XXYLT1: variants seen among roughly 807,000 people sequenced by gnomAD.
The protein encoded by XXYLT1 is UDP-xylose:alpha-xyloside alpha-1,3-xylosyltransferase.
In XXYLT1, 20 loss-of-function variants were observed where a neutral mutation model predicts 28.9. The ratio of observed to expected loss-of-function variants is 0.69; its 90% confidence interval spans 0.49 to 1.00. The LOEUF (loss-of-function observed/expected upper bound fraction) is 1.00, where lower values mean the gene tolerates loss of function less well. Ranked by LOEUF, XXYLT1 falls within the 50% of genes least tolerant of loss-of-function variation. XXYLT1 has a pLI of 0.00. For missense variants in XXYLT1, 542 were observed against 560.1 expected (o/e 0.97, Z 0.33); for synonymous variants, 257 against 253.8 (o/e 1.01, Z -0.12).
chr3:195,185,538 G>C (rs1228546761), intron 2 of XXYLT1, among the ~76,000 whole-genome samples: 1 of 148,280 alleles, frequency 6.7e-6, no homozygotes, highest in Non-Finnish European at 1.5e-5. Flanking sequence ...TGATTTCTGA[G>C]GTCACTGAAG....
At chr3:195,245,159 AT>A (rs533706205) in intron 1 of XXYLT1, among the ~76,000 whole-genome samples, 6,567 of 132,324 alleles carry the variant, frequency 0.05, 145 homozygotes, top group East Asian at 0.098. Flanking sequence ...GCCCAAGAAA[AT>A]TTTTTTTTTT....
At chr3:195,178,691 C>G (rs1287203561) in intron 2 of XXYLT1, among the ~76,000 whole-genome samples, 1 of 152,164 alleles carries the variant, frequency 6.6e-6, no homozygotes, top group African/African-American at 2.4e-5. Flanking sequence ...CACACCTGGG[C>G]CCCGTACTTG....
At chr3:195,110,851 T>TGTGTGTGTGG (rs1284404952) in intron 3 of XXYLT1, among the ~76,000 whole-genome samples, 1 of 37,426 alleles carries the variant, frequency 2.7e-5, no homozygotes, top group Non-Finnish European at 6.0e-5. Flanking sequence ...GTTGTGTGTG[T>TGTGTGTGTGG]TGTATAAGTG....
chr3:195,074,011 C>T (rs1172780957), intron 3 of XXYLT1, among the ~76,000 whole-genome samples: 3 of 152,192 alleles, frequency 2.0e-5, no homozygotes, highest in South Asian at 2.1e-4. Context: ...AAAGGGCACA[C>T]GTGGCCATCA....
rs1218267602 is a variant in XXYLT1, at chr3:195,109,984, T to TG, written c.786-39874dup. 7.1e-4 allele frequency among the ~76,000 whole-genome samples: 37 copies of TG among 52,460 alleles called. 16 individuals are homozygous for TG. The highest frequency in any genetic ancestry group is 1.8e-3 in the Admixed American group (8 of 4,450). The allele number at this position is 52,460 out of a possible 152,430, so 34.4% of individuals were successfully genotyped here. ...TGTGTGTTGTGTGTATGTGTGTGGG[T>TG]GGGGGTGTGTGCATGGTGTGTGGTT... On this transcript the variant is annotated intron_variant, in intron 3 of 3. Coordinates refer to ENST00000310380, the MANE Select transcript of XXYLT1 (RefSeq NM_152531.5).
In XXYLT1 at chr3:195,180,663, G is replaced by A. The variant is rs1346686050; in HGVS notation, c.653-24082C>T. 9 of 544,824 alleles carry A rather than the reference G, an allele frequency of 1.7e-5. No individual in the cohort carries two copies. Among genetic ancestry groups the A allele is most frequent in the East Asian group, 1.5e-4 (1 of 6,808 alleles). 33.7% of individuals were successfully genotyped at this position (544,824 alleles called of 1,614,324 possible). On this transcript the variant is annotated intron_variant, in intron 2 of 3. Coordinates refer to ENST00000310380, the MANE Select transcript of XXYLT1 (RefSeq NM_152531.5). The surrounding 1 kb of genome is among the most constrained non-coding windows in gnomAD (Gnocchi z 5.8). Reference sequence around the variant, plus strand: ...TGGAGCACCCCGTGCCACTGCAAACGTGACCAGGAACATGGGTCTGACAGC... The same window carrying A: ...TGGAGCACCCCGTGCCACTGCAAACATGACCAGGAACATGGGTCTGACAGC...
intron 2 of XXYLT1, among the ~76,000 whole-genome samples, chr3:195,224,100 G>A (rs1320216760): frequency 6.6e-6 from 1 of 152,190 alleles, no homozygotes; most frequent in African/African-American, 2.4e-5. Flanking sequence ...AGGTTGCAGT[G>A]AGCCGAGATT....
chr3:195,121,387 C>T (rs141861918), intron 3 of XXYLT1, among the ~76,000 whole-genome samples: 25 of 152,316 alleles, frequency 1.6e-4, no homozygotes, highest in East Asian at 3.9e-4. Flanking sequence ...TGGAGACTGA[C>T]GCCCACCACC....
chr3:195,204,468 ACTCTCTCACT>A (rs1560150656), intron 2 of XXYLT1, among the ~76,000 whole-genome samples: 5 of 114,720 alleles, frequency 4.4e-5, no homozygotes, highest in South Asian at 2.8e-4. Context: ...ACACACACTC[ACTCTCTCACT>A]CTCTCTCTCT....
At chr3:195,112,492 A>ACATG (rs1717789790) in intron 3 of XXYLT1, among the ~76,000 whole-genome samples, 1 of 66,232 alleles carries the variant, frequency 1.5e-5, no homozygotes, top group Non-Finnish European at 3.8e-5. Flanking sequence ...ACGCATGGAC[A>ACATG]CATGCACACA....
At chr3:195,219,055 T>G (rs1199859199) in intron 2 of XXYLT1, among the ~76,000 whole-genome samples, 1 of 151,598 alleles carries the variant, frequency 6.6e-6, no homozygotes, top group Non-Finnish European at 1.5e-5. Flanking sequence ...CTCAGTAAAC[T>G]ATCACAAGAA....
chr3:195,130,803 G>A (rs1324823397), intron 3 of XXYLT1, among the ~76,000 whole-genome samples: 2 of 152,176 alleles, frequency 1.3e-5, no homozygotes, highest in African/African-American at 2.4e-5. Flanking sequence ...ACAATTTCAG[G>A]GTGCAGGGAG....
intron 3 of XXYLT1, among the ~76,000 whole-genome samples, chr3:195,096,540 G>A (rs902145654): frequency 3.3e-5 from 5 of 151,990 alleles, no homozygotes; most frequent in African/African-American, 7.3e-5. Context: ...ACATTTCCTC[G>A]GCCTTCGGGA....
chr3:195,207,443 CA>C (rs1378996114), intron 2 of XXYLT1: 1 of 456,444 alleles, frequency 2.2e-6, no homozygotes, highest in Admixed American at 2.4e-5. Context: ...GTGGGACCGA[CA>C]GACAGGCCTT....
chr3:195,241,298 T>C (rs1299333919), intron 1 of XXYLT1, among the ~76,000 whole-genome samples: 2 of 152,204 alleles, frequency 1.3e-5, no homozygotes, highest in Admixed American at 1.3e-4. Flanking sequence ...GACCCCACTA[T>C]GGGCCCCACA....
At chr3:195,247,362 T>C (rs1303631442) in intron 1 of XXYLT1, among the ~76,000 whole-genome samples, 1 of 152,182 alleles carries the variant, frequency 6.6e-6, no homozygotes, top group Non-Finnish European at 1.5e-5. Flanking sequence ...GTGGGAACCA[T>C]CCCATGACCT....
At position 195,119,688 on chromosome 3, in the gene XXYLT1, C is replaced by T. The variant is rs140880617; in HGVS notation, c.785+36761G>A. Among the ~76,000 whole-genome samples the T allele has an allele frequency of 1.2e-4, 18 of 152,284 alleles. No homozygotes were observed. In the East Asian group the frequency reaches 1.9e-3, roughly 16 times the overall value. Reference sequence around the variant, plus strand: ...GAGAGGAGGCCTCCGAGGGCTGTTTCGTCCTCACTCCGCAGAACAATGCTG... The same window carrying T: ...GAGAGGAGGCCTCCGAGGGCTGTTTTGTCCTCACTCCGCAGAACAATGCTG... On this transcript the variant is annotated intron_variant, in intron 3 of 3. Transcript: ENST00000310380.
chr3:195,175,826 C>CA (rs1721639384), intron 2 of XXYLT1: 1 of 1,414,412 alleles, frequency 7.1e-7, no homozygotes, highest in Non-Finnish European at 9.2e-7. Flanking sequence ...GCCTCGATTC[C>CA]CGAGTCACTG....
At chr3:195,151,265 C>T (rs1331883134) in intron 3 of XXYLT1, among the ~76,000 whole-genome samples, 2 of 152,152 alleles carry the variant, frequency 1.3e-5, no homozygotes, top group Admixed American at 6.5e-5. Context: ...ATTTCAGGGT[C>T]AGGTGTGGTG....
Sources: allele counts gnomAD v4.1 joint callset (sites outside exome capture counted in the v4.1 genomes callset), GRCh38; gene constraint gnomAD v4.1.1; non-coding constraint Gnocchi (gnomAD v3.1); transcripts MANE v1.5; gene names NCBI Gene and HGNC (gene_info 2026-07-23, HGNC 2026-07-21).